CEP120: variants seen among roughly 807,000 people sequenced by gnomAD.
The protein encoded by CEP120 is centrosomal protein 120.
A neutral mutation model predicts 126.5 loss-of-function variants in CEP120; 113 were observed. The observed-to-expected ratio is 0.89, with a 90% confidence interval of 0.77 to 1.04. The LOEUF is 1.04. CEP120 is among the 50% of genes least tolerant of loss of function. CEP120 has a pLI of 0.00. For missense variants in CEP120, 1,230 were observed against 1,155.7 expected (o/e 1.06, Z -0.93); for synonymous variants, 400 against 394.3 (o/e 1.01, Z -0.17).
chr5:123,375,086 C>CA (rs1203213427), intron 16 of CEP120, among the ~76,000 whole-genome samples: 3 of 152,050 alleles, frequency 2.0e-5, no homozygotes, highest in African/African-American at 7.2e-5. Context: ...GGTAAGGACC[C>CA]AAAAAGCTTT....
rs115038913 is a variant in CEP120 at position 123,357,653 on chromosome 5, T to G, written c.2580+6843A>C. Among the ~76,000 whole-genome samples, 448 of 152,174 alleles carry G rather than the reference T, an allele frequency of 2.9e-3. 4 individuals are homozygous for G. The highest frequency in any genetic ancestry group is 0.01 in the African/African-American group (435 of 41,532). On this transcript the variant is annotated intron_variant, in intron 18 of 19. Transcript: ENST00000306467. Reference sequence around the variant, plus strand: ...GACGTGCACCTGTAGTCCCAGATACTTGGGAGGCTGAGGTGGATGACCTGA... The same window carrying G: ...GACGTGCACCTGTAGTCCCAGATACGTGGGAGGCTGAGGTGGATGACCTGA...
intron 4 of CEP120, among the ~76,000 whole-genome samples, chr5:123,400,640 C>A (rs1355446593): frequency 1.5e-5 from 2 of 132,220 alleles, no homozygotes; most frequent in Admixed American, 8.4e-5. Flanking sequence ...TAAATACATA[C>A]ATATACATAT....
intron 11 of CEP120, among the ~76,000 whole-genome samples, chr5:123,384,455 A>T (rs1485013369): frequency 6.6e-6 from 1 of 152,152 alleles, no homozygotes; most frequent in African/African-American, 2.4e-5. Flanking sequence ...GTGGCAATGA[A>T]GTTCAGGGCA....
chr5:123,377,414 A>G lies in CEP120; in HGVS notation c.2318T>C (p.Ile773Thr). Residue 773 changes from isoleucine to threonine, a missense_variant, in exon 16 of 20, where the codon ATC (isoleucine) becomes ACC (threonine). Coordinates refer to ENST00000306467, the MANE Select transcript of CEP120 (RefSeq NM_001375405.1). ...GTGTTTATCCTCTTCGAGCTGTTTG[A>G]TTTTTAACCTTTCTAGTTCTACTTG... ...IHQVELERLK[I>T]KQLEEDKHRL... The G allele has an allele frequency of 1.9e-6, 3 of 1,611,066 alleles. No individual in the cohort carries two copies. Among genetic ancestry groups the G allele is most frequent in the Non-Finnish European group, 2.5e-6 (3 of 1,179,056 alleles).
intron 19 of CEP120, among the ~76,000 whole-genome samples, chr5:123,347,132 T>C (rs1768881120): frequency 6.6e-6 from 1 of 152,188 alleles, no homozygotes; most frequent in African/African-American, 2.4e-5. Flanking sequence ...TTAAAATATG[T>C]ATTTTTTGAA....
intron 11 of CEP120, 130 bp downstream of exon 11, chr5:123,384,821 G>C (rs1256396926): frequency 1.4e-6 from 1 of 727,758 alleles, no homozygotes; most frequent in Non-Finnish European, 2.2e-6. Flanking sequence ...TCAGAAAAAG[G>C]AGGTTATGAA....
At chr5:123,390,379 A>G (rs1265176461) in intron 7 of CEP120, 1 of 576,446 alleles carries the variant, frequency 1.7e-6, no homozygotes, top group Admixed American at 2.2e-5. Context: ...ATGGGTAAGA[A>G]GGGATATTTG....
At chr5:123,413,721 AGAATT>A (rs1382095027) in intron 3 of CEP120, among the ~76,000 whole-genome samples, 1 of 152,256 alleles carries the variant, frequency 6.6e-6, no homozygotes, top group Non-Finnish European at 1.5e-5. Flanking sequence ...TAAGTAAAAT[AGAATT>A]AAGTAGGCCA....
chr5:123,423,756 CA>C (rs1359488614), upstream of CEP120, among the ~76,000 whole-genome samples: 1 of 152,242 alleles, frequency 6.6e-6, no homozygotes, highest in Middle Eastern at 3.4e-3. Flanking sequence ...AATTAAATCA[CA>C]AAAAAATAAT....
chr5:123,370,177 G>C lies in CEP120; in HGVS notation c.2481+2473C>G, dbSNP rs146735963. On this transcript the variant is annotated intron_variant, in intron 17 of 19. Coordinates refer to ENST00000306467, the MANE Select transcript of CEP120 (RefSeq NM_001375405.1). Reference sequence around the variant, plus strand: ...TCTGCCTTGGAAAGTTTAGAATCTAGGTTGCATTATGGTAGCTCTGAAATA... The same window carrying C: ...TCTGCCTTGGAAAGTTTAGAATCTACGTTGCATTATGGTAGCTCTGAAATA... Among the ~76,000 whole-genome samples, 40 of 152,028 alleles carry C rather than the reference G, an allele frequency of 2.6e-4. No individual in the cohort carries two copies. The East Asian group carries it at 7.6e-3, about 29-fold the overall frequency.
At chr5:123,358,206 C>A (rs996907006) in intron 18 of CEP120, 1 of 151,874 alleles carries the variant, frequency 6.6e-6, no homozygotes, top group African/African-American at 2.4e-5. Context: ...AAAATTATGA[C>A]AAAAAGCAAA....
At chr5:123,384,216 C>A (rs1468584808) in intron 11 of CEP120, among the ~76,000 whole-genome samples, 1 of 151,890 alleles carries the variant, frequency 6.6e-6, no homozygotes, top group Non-Finnish European at 1.5e-5. Flanking sequence ...GGAGTTGAAA[C>A]AAAATGGCCA....
chr5:123,399,403 C>A, intron 4 of CEP120, 119 bp from the exon 5 acceptor site: 1 of 884,700 alleles, frequency 1.1e-6, no homozygotes, highest in East Asian at 2.6e-5. Flanking sequence ...CAGTTAATAT[C>A]TAATAAGGTT....
intron 1 of CEP120, among the ~76,000 whole-genome samples, chr5:123,420,239 A>G (rs1159863496): frequency 6.6e-6 from 1 of 152,202 alleles, no homozygotes; most frequent in African/African-American, 2.4e-5. Flanking sequence ...TATATTTTCC[A>G]TATTATTATA....
intron 5 of CEP120, 49 bp downstream of exon 5, chr5:123,399,087 C>T: frequency 7.2e-7 from 1 of 1,389,056 alleles, no homozygotes; most frequent in Non-Finnish European, 9.6e-7. Flanking sequence ...AAATGTTTTA[C>T]ATAGTTTTCA....
chr5:123,375,990 A>C (rs1223397776), intron 16 of CEP120, among the ~76,000 whole-genome samples: 1 of 143,590 alleles, frequency 7.0e-6, no homozygotes, highest in Non-Finnish European at 1.6e-5. Context: ...TAACAGCTTG[A>C]TTCTTTTTTT....
intron 13 of CEP120, among the ~76,000 whole-genome samples, 154 bp from the exon 14 acceptor site, chr5:123,382,354 C>T (rs141277105): frequency 4.0e-5 from 6 of 148,692 alleles, no homozygotes; most frequent in Non-Finnish European, 4.4e-5. Flanking sequence ...AAGGAGGATG[C>T]CTGAGGCAAA....
intron 15 of CEP120, among the ~76,000 whole-genome samples, chr5:123,377,761 A>G (rs1419943446): frequency 6.6e-6 from 1 of 152,162 alleles, no homozygotes; most frequent in Non-Finnish European, 1.5e-5. Context: ...CAATTTGTAT[A>G]AATTCACTTG....
At position 123,406,943 on chromosome 5, in the gene CEP120, G is replaced by T. The variant is rs534340615; in HGVS notation, c.463+5456C>A. Among the ~76,000 whole-genome samples the T allele has an allele frequency of 2.6e-5, 4 of 151,802 alleles. No homozygotes were observed. In the South Asian group the frequency reaches 8.3e-4, roughly 32 times the overall value. ...CTGAAATGAAAGCAATGATACAAGG[G>T]ACAAGAAGGAGGGATTAGTAATATT... On this transcript the variant is annotated intron_variant, in intron 4 of 19. Coordinates refer to ENST00000306467, the MANE Select transcript of CEP120 (RefSeq NM_001375405.1).
Sources: allele counts gnomAD v4.1 joint callset (sites outside exome capture counted in the v4.1 genomes callset), GRCh38; gene constraint gnomAD v4.1.1; transcripts MANE v1.5; gene names NCBI Gene and HGNC (gene_info 2026-07-23, HGNC 2026-07-21).